The following TNKS variants were observed in gnomAD, a reference collection of about 807,000 sequenced individuals.
TNKS encodes the protein poly [ADP-ribose] polymerase tankyrase-1.
A neutral mutation model predicts 135.8 loss-of-function variants in TNKS; 72 were observed. That is an observed-to-expected ratio of 0.53 (90% CI 0.44 to 0.64). TNKS has a LOEUF of 0.64. Ranked by LOEUF, TNKS falls within the 30% of genes least tolerant of loss-of-function variation. TNKS has a pLI of 0.00. For synonymous variants in TNKS, 849 were observed against 649.3 expected (o/e 1.31, Z -4.68); for missense variants, 1,769 against 1,674.0 (o/e 1.06, Z -0.99).
intron 11 of TNKS, among the ~76,000 whole-genome samples, chr8:9,714,443 C>G (rs781509954): frequency 1.3e-5 from 2 of 151,648 alleles, no homozygotes; most frequent in African/African-American, 2.4e-5. Context: ...CCACATTTGT[C>G]TTTTCAAATG....
intron 26 of TNKS, among the ~76,000 whole-genome samples, chr8:9,773,738 C>G (rs894831966): frequency 6.6e-6 from 1 of 151,926 alleles, no homozygotes; most frequent in African/African-American, 2.4e-5. Context: ...AAAAAAATGC[C>G]TAAATAAAAA....
intron 3 of TNKS, among the ~76,000 whole-genome samples, chr8:9,619,228 T>A (rs1183006214): frequency 6.6e-6 from 1 of 152,134 alleles, no homozygotes; most frequent in Non-Finnish European, 1.5e-5. Flanking sequence ...CTGCGCTGCA[T>A]GTGGTATTAT....
intron 8 of TNKS, 73 bp from the exon 9 acceptor site, chr8:9,708,298 T>A (rs1047282502): frequency 1.8e-4 from 232 of 1,260,968 alleles, no homozygotes; most frequent in Non-Finnish European, 2.3e-4. Flanking sequence ...TATTCCTACT[T>A]ATTTATAATC....
intron 17 of TNKS, among the ~76,000 whole-genome samples, chr8:9,746,704 T>C (rs999165329): frequency 3.3e-5 from 5 of 152,014 alleles, no homozygotes; most frequent in Non-Finnish European, 7.4e-5. Flanking sequence ...CCATAGGTAT[T>C]GAGCAAATGC....
At chr8:9,651,131 C>A (rs1464641800) in intron 3 of TNKS, among the ~76,000 whole-genome samples, 2 of 151,972 alleles carry the variant, frequency 1.3e-5, no homozygotes, top group African/African-American at 2.4e-5. Context: ...GCTGTGAGTA[C>A]TTGGGTTTCT....
At chr8:9,569,299 C>G (rs868155608) in intron 1 of TNKS, among the ~76,000 whole-genome samples, 1 of 152,102 alleles carries the variant, frequency 6.6e-6, no homozygotes, top group African/African-American at 2.4e-5. Flanking sequence ...CATAAGTGTA[C>G]CGGGAGGTGA....
At chr8:9,631,201 A>G (rs937043534) in intron 3 of TNKS, among the ~76,000 whole-genome samples, 1 of 152,206 alleles carries the variant, frequency 6.6e-6, no homozygotes, top group Admixed American at 6.5e-5. Context: ...TGATTATAAT[A>G]CCCCAAATCT....
At chr8:9,569,920 C>T (rs889137684) in intron 1 of TNKS, among the ~76,000 whole-genome samples, 5 of 151,924 alleles carry the variant, frequency 3.3e-5, no homozygotes, top group African/African-American at 9.7e-5. Context: ...TTTTTTTAAT[C>T]TATAAACTTT....
chr8:9,598,819 GAA>G (rs1338279189), intron 2 of TNKS, among the ~76,000 whole-genome samples: 34 of 83,572 alleles, frequency 4.1e-4, no homozygotes, highest in Non-Finnish European at 7.1e-4. Flanking sequence ...ATATATATAT[GAA>G]TGAATTGGTC....
chr8:9,636,565 C>T (rs977128366), intron 3 of TNKS, among the ~76,000 whole-genome samples: 2 of 152,060 alleles, frequency 1.3e-5, no homozygotes, highest in African/African-American at 4.8e-5. Context: ...CATTTCAGAT[C>T]AGAGCATTTT....
chr8:9,587,373 G>A (rs1157299801), intron 2 of TNKS, among the ~76,000 whole-genome samples: 1 of 151,734 alleles, frequency 6.6e-6, no homozygotes, highest in Non-Finnish European at 1.5e-5. Flanking sequence ...CACCAGTAAG[G>A]AATTCAGCCT....
intron 26 of TNKS, among the ~76,000 whole-genome samples, chr8:9,772,030 GGGAGTGAGA>G (rs1490996758): frequency 8.2e-6 from 1 of 122,132 alleles, no homozygotes; most frequent in Non-Finnish European, 1.7e-5. Flanking sequence ...GAGAAAGGGA[GGGAGTGAGA>G]GGAGACAGAG....
intron 3 of TNKS, among the ~76,000 whole-genome samples, chr8:9,620,302 A>G (rs984177551): frequency 2.6e-5 from 4 of 152,014 alleles, no homozygotes; most frequent in Non-Finnish European, 5.9e-5. Context: ...ATTCAGGTCT[A>G]CCGTACTTTC....
intron 3 of TNKS, among the ~76,000 whole-genome samples, chr8:9,634,862 A>G (rs1800446700): frequency 6.6e-6 from 1 of 152,170 alleles, no homozygotes. Context: ...AGGAGCCTGG[A>G]ACATCTTCTG....
chr8:9,556,197 T>A lies in TNKS; in HGVS notation c.258T>A (p.Gly86=), dbSNP rs1204319920. Reference sequence around the variant, plus strand: ...CCCGATCCCCGGACCCGGTTGACGGTACCAGCTGTTGCAGTACCACCAGCA... The same window carrying A: ...CCCGATCCCCGGACCCGGTTGACGGAACCAGCTGTTGCAGTACCACCAGCA... The part of the protein sequence containing the change: ...DRPRSPDPVD[G]TSCCSTTSTI... The change falls in exon 1 of 27, where the codon GGT becomes GGA. Residue 86 remains glycine (G), a synonymous_variant. Coordinates refer to ENST00000310430, the MANE Select transcript of TNKS (RefSeq NM_003747.3). The A allele has an allele frequency of 6.2e-7, 1 of 1,614,018 alleles. No individual in the cohort carries two copies. The highest frequency in any genetic ancestry group is 8.5e-7 in the Non-Finnish European group (1 of 1,180,000).
intron 3 of TNKS, among the ~76,000 whole-genome samples, chr8:9,673,442 A>ATTTT (rs71201963): frequency 1.6e-5 from 2 of 125,404 alleles, no homozygotes; most frequent in African/African-American, 2.9e-5. Context: ...TACCTTTTGG[A>ATTTT]TTTTTTTTTT....
chr8:9,709,822 T>C, intron 9 of TNKS, 133 bp from the exon 10 acceptor site: 2 of 673,996 alleles, frequency 3.0e-6, no homozygotes, highest in East Asian at 2.7e-5. Flanking sequence ...ATCTCTGTGA[T>C]ATAAAACATA....
intron 3 of TNKS, among the ~76,000 whole-genome samples, chr8:9,651,130 A>G (rs547009189): frequency 6.6e-6 from 1 of 152,204 alleles, no homozygotes; most frequent in South Asian, 2.1e-4. Context: ...GGCTGTGAGT[A>G]CTTGGGTTTC....
intron 1 of TNKS, among the ~76,000 whole-genome samples, chr8:9,577,227 A>G (rs1488571791): frequency 2.6e-5 from 4 of 152,208 alleles, no homozygotes; most frequent in Non-Finnish European, 5.9e-5. Flanking sequence ...GAAATTTTAA[A>G]TGTATACCTA....
Sources: allele counts gnomAD v4.1 joint callset (sites outside exome capture counted in the v4.1 genomes callset), GRCh38; gene constraint gnomAD v4.1.1; transcripts MANE v1.5; gene names NCBI Gene and HGNC (gene_info 2026-07-23, HGNC 2026-07-21).